The following CHST13 variants were observed in gnomAD, a reference collection of about 807,000 sequenced individuals.
CHST13 encodes the protein carbohydrate sulfotransferase 13.
Under a neutral mutation model 7.0 loss-of-function variants are expected in CHST13, and 1 was observed. The observed-to-expected ratio is 0.14, with a 90% CI of 0.05 to 0.68. The LOEUF is 0.68. Among genes scored for constraint, CHST13 ranks in the 30% least tolerant of loss-of-function variants. The pLI is 0.82. For missense variants in CHST13, 572 were observed against 507.9 expected (o/e 1.13, Z -1.21); for synonymous variants, 257 against 240.9 (o/e 1.07, Z -0.62).
At chr3:126,524,785 C>G (rs1936504444) in intron 1 of CHST13, among the ~76,000 whole-genome samples, 1 of 152,194 alleles carries the variant, frequency 6.6e-6, no homozygotes, top group African/African-American at 2.4e-5. Flanking sequence ...CCCCACGGCC[C>G]CTGGACATGA....
intron 2 of CHST13, 108 bp from the exon 3 acceptor site, chr3:126,541,625 G>T: frequency 9.1e-7 from 1 of 1,100,614 alleles, no homozygotes; most frequent in Non-Finnish European, 1.2e-6. Flanking sequence ...GGTGCCCGGC[G>T]CAGCTCCTGC....
At position 126,539,989 on chromosome 3, in the gene CHST13, A is replaced by C. The variant is rs1041984651; in HGVS notation, c.181-1744A>C. 4.4e-3 allele frequency among the ~76,000 whole-genome samples: 480 copies of C among 109,642 alleles called. 7 individuals carry two copies. Among genetic ancestry groups the C allele is most frequent in the African/African-American group, 0.013 (382 of 29,632 alleles). The allele number at this position is 109,642 out of a possible 152,430, so 71.9% of individuals were successfully genotyped here. A position where few individuals can be genotyped will look rare whatever the true frequency, so the allele number is the denominator to read the frequency against. ...CACACACAAATGCCACACACGCATG[A>C]CACACACACACAAATGCCACACACG... On this transcript the variant is annotated intron_variant, in intron 2 of 2. Transcript: ENST00000319340.
intron 2 of CHST13, among the ~76,000 whole-genome samples, chr3:126,536,658 AG>A (rs894243876): frequency 1.6e-4 from 25 of 152,180 alleles, no homozygotes; most frequent in African/African-American, 5.8e-4. Flanking sequence ...GGAAGTTTAC[AG>A]TCTCGTGGGA....
chr3:126,538,531 G>C (rs1936850619), intron 2 of CHST13, among the ~76,000 whole-genome samples: 1 of 152,248 alleles, frequency 6.6e-6, no homozygotes, highest in African/African-American at 2.4e-5. Context: ...CTGAAGCTGG[G>C]CTCATGCCCT....
At chr3:126,532,337 A>T (rs1936676648) in intron 1 of CHST13, among the ~76,000 whole-genome samples, 1 of 152,254 alleles carries the variant, frequency 6.6e-6, no homozygotes, top group Admixed American at 6.5e-5. Flanking sequence ...CTAATACATC[A>T]TCACCTAATC....
Position 126,536,299 on chromosome 3 carries a change from C to T in CHST13, c.126C>T (p.Ser42=). The part of the protein sequence containing the change: ...PAFGNRALGS[S]WLGGEKRSPL... ...TTGGAAACAGAGCCCTGGGCTCCAG[C>T]TGGCTTGGTGGGGAGAAGAGAAGCC... Residue 42 remains serine, a synonymous_variant, in exon 2 of 3, where the codon AGC becomes AGT. Coordinates refer to ENST00000319340, the MANE Select transcript of CHST13 (RefSeq NM_152889.3). The T allele has an allele frequency of 3.7e-6, 6 of 1,614,064 alleles. No homozygotes were observed. The highest frequency in any genetic ancestry group is 4.2e-6 in the Non-Finnish European group (5 of 1,179,958).
At chr3:126,534,219 G>A (rs1208949210) in intron 1 of CHST13, among the ~76,000 whole-genome samples, 1 of 152,090 alleles carries the variant, frequency 6.6e-6, no homozygotes, top group Non-Finnish European at 1.5e-5. Flanking sequence ...CTGAAAATGG[G>A]ATCCAGAAGC....
intron 1 of CHST13, chr3:126,529,157 T>C: frequency 4.0e-6 from 2 of 501,174 alleles, no homozygotes; most frequent in Non-Finnish European, 7.0e-6. Flanking sequence ...AGCCCTGCTT[T>C]GGCTGAGGTG....
chr3:126,541,325 G>A (rs996018883), intron 2 of CHST13, among the ~76,000 whole-genome samples: 18 of 152,190 alleles, frequency 1.2e-4, no homozygotes, highest in Non-Finnish European at 2.5e-4. Context: ...GCCCACAAGC[G>A]GCTGCAGTTT....
At chr3:126,529,749 T>A (rs1936611354) in intron 1 of CHST13, among the ~76,000 whole-genome samples, 1 of 152,106 alleles carries the variant, frequency 6.6e-6, no homozygotes, top group Non-Finnish European at 1.5e-5. Context: ...ACTCCTCCCA[T>A]CCCTCCTCCC....
At chr3:126,532,915 T>C (rs1366442914) in intron 1 of CHST13, among the ~76,000 whole-genome samples, 1 of 152,162 alleles carries the variant, frequency 6.6e-6, no homozygotes, top group Non-Finnish European at 1.5e-5. Context: ...TGTCTTTCCG[T>C]TCATTTGGGT....
chr3:126,530,761 C>T (rs752855095), intron 1 of CHST13, among the ~76,000 whole-genome samples: 20 of 152,230 alleles, frequency 1.3e-4, no homozygotes, highest in Non-Finnish European at 2.4e-4. Flanking sequence ...GGGACATGTC[C>T]GGCAGTTCAG....
chr3:126,542,664 C>A lies in CHST13; in HGVS notation c.*86C>A, dbSNP rs1936994756. 1 of 1,382,312 alleles carries A rather than the reference C, an allele frequency of 7.2e-7. No homozygotes were observed. Among genetic ancestry groups the A allele is most frequent in the Admixed American group, 3.7e-5 (1 of 26,702 alleles). The allele number at this position is 1,382,312 out of a possible 1,614,324, so 85.6% of individuals were successfully genotyped here. A position where few individuals can be genotyped will look rare whatever the true frequency, so the allele number is the denominator to read the frequency against. On this transcript the variant is annotated 3_prime_UTR_variant, in exon 3 of 3. Coordinates refer to ENST00000319340, the MANE Select transcript of CHST13 (RefSeq NM_152889.3). Reference sequence around the variant, plus strand: ...ATGCAGGTGCTGCCGGCCCCAGGACCCCTCTTCAAGAGCCACTGCGTGCAC... The same window carrying A: ...ATGCAGGTGCTGCCGGCCCCAGGACACCTCTTCAAGAGCCACTGCGTGCAC...
At chr3:126,536,212 C>T in intron 1 of CHST13, 59 bp from the exon 2 acceptor site, 1 of 1,505,268 alleles carries the variant, frequency 6.6e-7, no homozygotes, top group Non-Finnish European at 9.2e-7. Flanking sequence ...TGGCCAAACC[C>T]CCAGGTCCAT....
intron 1 of CHST13, among the ~76,000 whole-genome samples, chr3:126,525,289 T>C (rs1172466188): frequency 1.3e-5 from 2 of 152,088 alleles, no homozygotes; most frequent in African/African-American, 2.4e-5. Context: ...GCCCCACCCT[T>C]GGAACCTGGC....
intron 1 of CHST13, among the ~76,000 whole-genome samples, chr3:126,525,685 G>T (rs1936524497): frequency 6.6e-6 from 1 of 152,124 alleles, no homozygotes; most frequent in South Asian, 2.1e-4. Flanking sequence ...GCAGAACTTG[G>T]TGGCTACTGG....
intron 1 of CHST13, among the ~76,000 whole-genome samples, chr3:126,535,120 G>GC (rs1399973443): frequency 2.3e-3 from 32 of 13,964 alleles, no homozygotes; most frequent in East Asian, 4.3e-3. Context: ...ACTGTCCTCA[G>GC]CTGGAGACAG....
At position 126,542,654 on chromosome 3, in the gene CHST13, G is replaced by A; in HGVS notation, c.*76G>A. On this transcript the variant is annotated 3_prime_UTR_variant, in exon 3 of 3. Coordinates refer to ENST00000319340, the MANE Select transcript of CHST13 (RefSeq NM_152889.3). Reference sequence around the variant, plus strand: ...CCCCCGGGGAATGCAGGTGCTGCCGGCCCCAGGACCCCTCTTCAAGAGCCA... The same window carrying A: ...CCCCCGGGGAATGCAGGTGCTGCCGACCCCAGGACCCCTCTTCAAGAGCCA... The A allele has an allele frequency of 7.2e-6, 10 of 1,389,026 alleles. No individual in the cohort carries two copies. Among genetic ancestry groups the A allele is most frequent in the Non-Finnish European group, 9.3e-6 (10 of 1,070,652 alleles). The allele number at this position is 1,389,026 out of a possible 1,614,324, so 86.0% of individuals were successfully genotyped here.
intron 2 of CHST13, 39 bp from the exon 3 acceptor site, chr3:126,541,694 C>G: frequency 1.4e-6 from 2 of 1,409,004 alleles, no homozygotes. Flanking sequence ...CCCGCGCTGC[C>G]CTGACGCGTC....
Sources: gnomAD v4.1 joint callset for allele counts (sites outside exome capture counted in the v4.1 genomes callset) on GRCh38, gnomAD v4.1.1 for gene constraint, MANE v1.5 for transcripts, NCBI Gene and HGNC (gene_info 2026-07-23, HGNC 2026-07-21) for gene names.